NALF1: variants seen among roughly 807,000 people sequenced by gnomAD.
NALF1 encodes the protein NALCN channel auxiliary factor 1, also known as family with sequence similarity 155 member A.
Under a neutral mutation model 48.4 loss-of-function variants are expected in NALF1, and 3 were observed. The ratio of observed to expected loss-of-function variants is 0.06; its 90% CI spans 0.03 to 0.16. NALF1 has a LOEUF of 0.16. Among genes scored for constraint, NALF1 ranks in the 10% least tolerant of loss-of-function variants. NALF1 has a pLI of 1.00. For missense variants in NALF1, 526 were observed against 571.5 expected, an observed-to-expected ratio of 0.92 and a Z score of 0.81; for synonymous variants, 262 against 245.7, an observed-to-expected ratio of 1.07 and a Z score of -0.62.
intron 1 of NALF1, among the ~76,000 whole-genome samples, chr13:107,706,306 A>G (rs1177509339): frequency 1.3e-5 from 2 of 152,180 alleles, no homozygotes; most frequent in Admixed American, 1.3e-4. Flanking sequence ...GACCCTATAA[A>G]TTTCATCTTT....
At chr13:107,703,995 A>G (rs1340027303) in intron 1 of NALF1, among the ~76,000 whole-genome samples, 1 of 152,122 alleles carries the variant, frequency 6.6e-6, no homozygotes, top group East Asian at 1.9e-4. Context: ...TTGGCTGTCT[A>G]TAGAATGCCA....
intron 1 of NALF1, among the ~76,000 whole-genome samples, chr13:107,755,033 A>G (rs934236911): frequency 1.1e-4 from 16 of 152,228 alleles, no homozygotes; most frequent in African/African-American, 3.9e-4. Context: ...CTGTGTAATA[A>G]AATTTCAAAC....
chr13:107,246,617 G>T (rs558182020), intron 1 of NALF1, among the ~76,000 whole-genome samples: 8 of 152,194 alleles, frequency 5.3e-5, no homozygotes, highest in Non-Finnish European at 1.2e-4. Context: ...AGTATTAGCT[G>T]AAGATTGTGA....
At chr13:107,279,397 A>T (rs948492201) in intron 1 of NALF1, among the ~76,000 whole-genome samples, 5 of 152,118 alleles carry the variant, frequency 3.3e-5, no homozygotes, top group African/African-American at 1.2e-4. Flanking sequence ...CTGGAATTAC[A>T]GGTGCATGCC....
intron 1 of NALF1, among the ~76,000 whole-genome samples, chr13:107,589,940 A>G (rs1878560121): frequency 6.6e-6 from 1 of 151,996 alleles, no homozygotes; most frequent in Non-Finnish European, 1.5e-5. Flanking sequence ...GCTACTAGGC[A>G]CTTCCACCAC....
intron 1 of NALF1, among the ~76,000 whole-genome samples, chr13:107,465,173 C>G (rs887974139): frequency 6.6e-6 from 1 of 151,782 alleles, no homozygotes; most frequent in Non-Finnish European, 1.5e-5. Context: ...AACTTTGGTA[C>G]GGTCACAGAA....
intron 1 of NALF1, among the ~76,000 whole-genome samples, chr13:107,532,801 A>G (rs1242308748): frequency 7.3e-6 from 1 of 136,214 alleles, no homozygotes; most frequent in Non-Finnish European, 1.6e-5. Flanking sequence ...AAAAGTTAGC[A>G]ATTTAGAGAT....
chr13:107,535,462 A>T (rs1876774675), intron 1 of NALF1, among the ~76,000 whole-genome samples: 1 of 152,128 alleles, frequency 6.6e-6, no homozygotes, highest in East Asian at 1.9e-4. Context: ...ATCATGAGTG[A>T]ACTCCCATTC....
rs1878614433 is a variant in NALF1, at chr13:107,164,245, C to T, written c.*6252G>A. ...CTGATTCTATGCAACTCTCACCTAC[C>T]TAAATAGATACAAATCAATGAAATA... On this transcript the variant is annotated 3_prime_UTR_variant, in exon 3 of 3. Transcript: ENST00000375915. 1.3e-5 allele frequency: 2 copies of T among 152,106 alleles called. No homozygotes were observed. The highest frequency in any genetic ancestry group is 1.5e-5 in the Non-Finnish European group (1 of 68,014). 9.4% of individuals were successfully genotyped at this position (152,106 alleles called of 1,614,324 possible).
At chr13:107,500,115 A>G (rs1022700507) in intron 1 of NALF1, among the ~76,000 whole-genome samples, 5 of 152,266 alleles carry the variant, frequency 3.3e-5, no homozygotes, top group African/African-American at 1.2e-4. Flanking sequence ...AGGCTTGACA[A>G]TTTTACATGT....
rs917403558 is a variant in NALF1 at position 107,738,545 on chromosome 13, C to A, written c.915+127137G>T. ...CTGAGAATAAACAAAGAAATAACTA[C>A]AATATCACTTTGTGTAATAAAAGTA... On this transcript the variant is annotated intron_variant, in intron 1 of 2. Transcript: ENST00000375915. Among the ~76,000 whole-genome samples, 4 of 152,294 alleles carry A rather than the reference C, an allele frequency of 2.6e-5. No homozygotes were observed. In the East Asian group the frequency reaches 7.7e-4, roughly 29 times the overall value.
At chr13:107,559,329 T>C (rs1402216345) in intron 1 of NALF1, among the ~76,000 whole-genome samples, 1 of 151,154 alleles carries the variant, frequency 6.6e-6, no homozygotes, top group African/African-American at 2.4e-5. Flanking sequence ...CTCATGACAA[T>C]AACAACAACA....
chr13:107,764,178 A>T (rs1156603864), intron 1 of NALF1, among the ~76,000 whole-genome samples: 1 of 152,144 alleles, frequency 6.6e-6, no homozygotes, highest in Non-Finnish European at 1.5e-5. Context: ...AGATATTGCA[A>T]CATATTTAGG....
intron 1 of NALF1, among the ~76,000 whole-genome samples, chr13:107,286,470 T>TA (rs1052623922): frequency 6.7e-5 from 10 of 149,042 alleles, no homozygotes; most frequent in African/African-American, 1.7e-4. Flanking sequence ...CCATCTCTAT[T>TA]AAAAAAAATA....
At chr13:107,488,936 AAATT>A (rs1181661307) in intron 1 of NALF1, among the ~76,000 whole-genome samples, 1 of 152,180 alleles carries the variant, frequency 6.6e-6, no homozygotes, top group Non-Finnish European at 1.5e-5. Context: ...TCAGGATACA[AAATT>A]AACGTGCAAA....
rs145618505 is a variant in NALF1 at position 107,646,911 on chromosome 13, T to C, written c.915+218771A>G. On this transcript the variant is annotated intron_variant, in intron 1 of 2. Transcript: ENST00000375915. ...TAAAGGACAATGATTTGTATTTACA[T>C]AATATTTTAGTAAAGATTTGACATC... is the stretch of plus-strand genomic sequence containing the variant. 8.5e-5 allele frequency among the ~76,000 whole-genome samples: 13 copies of C among 152,196 alleles called. No homozygotes were observed. The South Asian group carries it at 2.5e-3, about 29-fold the overall frequency.
intron 1 of NALF1, among the ~76,000 whole-genome samples, chr13:107,650,199 A>C (rs1594184123): frequency 6.6e-6 from 1 of 152,040 alleles, no homozygotes; most frequent in Non-Finnish European, 1.5e-5. Context: ...GTCATTACAG[A>C]TGCCCCCCAA....
chr13:107,378,422 A>G (rs1287956776), intron 1 of NALF1, among the ~76,000 whole-genome samples: 1 of 152,068 alleles, frequency 6.6e-6, no homozygotes, highest in Non-Finnish European at 1.5e-5. Flanking sequence ...ATGCATGTCT[A>G]TATATATAAA....
At chr13:107,418,190 C>T (rs1241680702) in intron 1 of NALF1, among the ~76,000 whole-genome samples, 1 of 152,182 alleles carries the variant, frequency 6.6e-6, no homozygotes. Flanking sequence ...AATCATGTGA[C>T]TGTTGTGTGC....
Sources: allele counts gnomAD v4.1 joint callset (sites outside exome capture counted in the v4.1 genomes callset), GRCh38; gene constraint gnomAD v4.1.1; transcripts MANE v1.5; gene names NCBI Gene and HGNC (gene_info 2026-07-23, HGNC 2026-07-21).